Variants in WWOX observed in about 807,000 individuals in gnomAD.
WWOX encodes the protein WW domain containing oxidoreductase.
Under a neutral mutation model 46.2 loss-of-function variants are expected in WWOX, and 69 were observed. That is an observed-to-expected ratio of 1.49 (90% confidence interval 1.23 to 1.82). The LOEUF (loss-of-function observed/expected upper bound fraction) is 1.82, where lower values mean the gene tolerates loss of function less well. Among genes scored for constraint, WWOX ranks in the 40% most tolerant of loss-of-function variants. The pLI is 0.00. For synonymous variants in WWOX, 359 were observed against 202.6 expected (o/e 1.77, Z -6.56); for missense variants, 919 against 542.6 (o/e 1.69, Z -6.89).
chr16:78,114,978 A>G lies in WWOX; in HGVS notation c.233A>G (p.His78Arg), dbSNP rs375002918. 5 of 1,614,078 alleles carry G rather than the reference A, an allele frequency of 3.1e-6. No homozygotes were observed. Among genetic ancestry groups the G allele is most frequent in the African/African-American group, 1.3e-5 (1 of 74,922 alleles). Residue 78 changes from histidine to arginine, a missense_variant and splice_region_variant, in exon 4 of 9, where the codon CAT (histidine) becomes CGT (arginine). His to Arg is a conservative substitution (Grantham distance 29, BLOSUM62 0). Coordinates refer to ENST00000566780, the MANE Select transcript of WWOX (RefSeq NM_016373.4). The part of the protein sequence containing the change: ...DENGQVFFVD[H>R]INKRTTYLDP... ...TCACTGCTTTCTCTTTTGGGCAGCCATATAAATAAAAGAACCACCTACTTG... is the reference window on the plus strand; with the variant it reads ...TCACTGCTTTCTCTTTTGGGCAGCCGTATAAATAAAAGAACCACCTACTTG...
intron 4 of WWOX, among the ~76,000 whole-genome samples, chr16:78,121,694 C>G: frequency 6.6e-6 from 1 of 151,038 alleles, no homozygotes; most frequent in Non-Finnish European, 1.5e-5. Context: ...CAGAGTATTA[C>G]TCTGTTGCGC....
chr16:78,338,869 G>A (rs1225213849), intron 5 of WWOX, among the ~76,000 whole-genome samples: 2 of 119,074 alleles, frequency 1.7e-5, no homozygotes, highest in East Asian at 3.9e-4. Context: ...AGTTAGTCAG[G>A]TATGTCTATT....
intron 8 of WWOX, among the ~76,000 whole-genome samples, chr16:78,436,906 A>G (rs2083347582): frequency 6.6e-6 from 1 of 152,198 alleles, no homozygotes. Flanking sequence ...ATGCAGACAT[A>G]TTTTTGGATA....
chr16:78,663,896 G>A (rs1175804888), intron 8 of WWOX, among the ~76,000 whole-genome samples: 1 of 152,184 alleles, frequency 6.6e-6, no homozygotes, highest in Non-Finnish European at 1.5e-5. Context: ...AGTGGTGAAT[G>A]GGTTTGGAGC....
At chr16:78,715,837 G>A (rs1202910001) in intron 8 of WWOX, among the ~76,000 whole-genome samples, 11 of 152,082 alleles carry the variant, frequency 7.2e-5, no homozygotes, top group Admixed American at 7.2e-4. Context: ...ACTCCCTTCT[G>A]CATGTGTCTA....
intron 8 of WWOX, among the ~76,000 whole-genome samples, chr16:79,065,094 CTTA>C (rs1243902610): frequency 1.3e-5 from 2 of 152,174 alleles, no homozygotes; most frequent in Non-Finnish European, 2.9e-5. Context: ...TCCCACCTTA[CTTA>C]TTATTAGTGT....
chr16:78,622,325 C>T (rs1299365467), intron 8 of WWOX, among the ~76,000 whole-genome samples: 1 of 151,982 alleles, frequency 6.6e-6, no homozygotes, highest in African/African-American at 2.4e-5. Flanking sequence ...GGCAGATCAC[C>T]TGAGGTCAGG....
At chr16:78,948,145 A>G (rs2045984653) in intron 8 of WWOX, among the ~76,000 whole-genome samples, 1 of 152,226 alleles carries the variant, frequency 6.6e-6, no homozygotes, top group Non-Finnish European at 1.5e-5. Context: ...TAAGTTGCTC[A>G]GAATGAGACA....
Position 78,680,816 on chromosome 16 carries a change from G to C in WWOX, c.1056+248064G>C, listed in dbSNP as rs543782157. 3.6e-3 allele frequency among the ~76,000 whole-genome samples: 554 copies of C among 152,194 alleles called. 1 individual carries two copies. The highest frequency in any genetic ancestry group is 0.012 in the African/African-American group (517 of 41,516). On this transcript the variant is annotated intron_variant, in intron 8 of 8. Transcript: ENST00000566780. ...CACAGTACCTGCTGTGATGGTTAAA[G>C]CTTAGTTTTATTGGCCAGGCATGGT...
chr16:78,613,542 A>C (rs1036647351), intron 8 of WWOX, among the ~76,000 whole-genome samples: 15 of 152,084 alleles, frequency 9.9e-5, no homozygotes, highest in Non-Finnish European at 1.8e-4. Context: ...CCTGCATGCA[A>C]ATTATCTGAT....
intron 8 of WWOX, among the ~76,000 whole-genome samples, chr16:78,465,208 TG>T (rs1444897433): frequency 6.6e-6 from 1 of 152,164 alleles, no homozygotes; most frequent in African/African-American, 2.4e-5. Context: ...ACAGACAAAT[TG>T]TATCATAGAA....
intron 5 of WWOX, among the ~76,000 whole-genome samples, chr16:78,306,541 A>T (rs2080137525): frequency 6.6e-6 from 1 of 152,122 alleles, no homozygotes; most frequent in Non-Finnish European, 1.5e-5. Flanking sequence ...GTTCCTGGAT[A>T]TTGGGCTTGC....
At chr16:78,526,044 A>G (rs981748772) in intron 8 of WWOX, 7 of 152,172 alleles carry the variant, frequency 4.6e-5, no homozygotes, top group Non-Finnish European at 1.0e-4. Flanking sequence ...ATTTTGATGA[A>G]AGAGGTTTCC....
At chr16:79,081,091 AG>A (rs769382713) in intron 8 of WWOX, among the ~76,000 whole-genome samples, 10 of 152,164 alleles carry the variant, frequency 6.6e-5, no homozygotes, top group Admixed American at 6.5e-5. Flanking sequence ...TATAGCTGCC[AG>A]GGGTCATTGT....
At chr16:79,097,455 A>G (rs1476375337) in intron 8 of WWOX, among the ~76,000 whole-genome samples, 1 of 152,046 alleles carries the variant, frequency 6.6e-6, no homozygotes, top group Non-Finnish European at 1.5e-5. Context: ...CTGTGATCTA[A>G]TAGTCACACA....
intron 8 of WWOX, among the ~76,000 whole-genome samples, chr16:78,801,701 C>G (rs1427263737): frequency 6.6e-6 from 1 of 152,162 alleles, no homozygotes; most frequent in African/African-American, 2.4e-5. Flanking sequence ...GTGGATACCT[C>G]TTCCGAGCAG....
At chr16:78,498,715 A>G (rs748191620) in intron 8 of WWOX, among the ~76,000 whole-genome samples, 3 of 152,180 alleles carry the variant, frequency 2.0e-5, no homozygotes, top group Non-Finnish European at 4.4e-5. Context: ...TTAAACAGAG[A>G]CAGATCTTGC....
intron 8 of WWOX, among the ~76,000 whole-genome samples, chr16:78,499,887 G>C (rs1317755453): frequency 6.6e-6 from 1 of 152,170 alleles, no homozygotes; most frequent in Non-Finnish European, 1.5e-5. Flanking sequence ...TCTTTAATGT[G>C]CTATAAATAG....
intron 8 of WWOX, 76 bp downstream of exon 8, chr16:78,432,828 A>T (rs1260255828): frequency 2.5e-6 from 4 of 1,606,948 alleles, no homozygotes; most frequent in Non-Finnish European, 3.4e-6. Context: ...CCACCTTTTT[A>T]CCTCTTGCGG....
Sources: gnomAD v4.1 joint callset for allele counts (sites outside exome capture counted in the v4.1 genomes callset) on GRCh38, gnomAD v4.1.1 for gene constraint, MANE v1.5 for transcripts, NCBI Gene and HGNC (gene_info 2026-07-23, HGNC 2026-07-21) for gene names.